The following OPA3 variants were observed in gnomAD, a reference collection of about 807,000 sequenced individuals.
OPA3 encodes outer mitochondrial membrane lipid metabolism regulator OPA3.
In OPA3, 6 loss-of-function variants were observed where a neutral mutation model predicts 4.0. The ratio of observed to expected loss-of-function variants is 1.51; its 90% CI spans 0.83 to 2.99. The LOEUF is 2.99. OPA3 is among the 30% of genes most tolerant of loss of function. The pLI is 0.00. For synonymous variants in OPA3, 105 were observed against 117.1 expected (o/e 0.90, Z 0.67); for missense variants, 235 against 256.2 (o/e 0.92, Z 0.56).
chr19:45,542,102 A>AC (rs1390184512), downstream of OPA3, among the ~76,000 whole-genome samples: 1 of 152,124 alleles, frequency 6.6e-6, no homozygotes, highest in East Asian at 1.9e-4. Flanking sequence ...TGGTCAGGGC[A>AC]CCGAGTTCTA....
Position 45,553,079 on chromosome 19 carries a change from A to G in OPA3, c.*435T>C, listed in dbSNP as rs1969360350. 1.8e-6 allele frequency: 2 copies of G among 1,091,090 alleles called. No individual in the cohort carries two copies. Among genetic ancestry groups the G allele is most frequent in the Non-Finnish European group, 2.2e-6 (2 of 892,876 alleles). The allele number at this position is 1,091,090 out of a possible 1,614,324, so 67.6% of individuals were successfully genotyped here. ...ACTGCAACACACTGCATTTCCTTAC[A>G]GTGGTCTGTGCCGATTGACAAAAAG... On this transcript the variant is annotated 3_prime_UTR_variant, in exon 2 of 2. Transcript: ENST00000263275.
chr19:45,584,620 C>A lies in OPA3; in HGVS notation c.142+3G>T. On this transcript the variant is annotated splice_donor_region_variant and intron_variant, in intron 1 of 1. Coordinates refer to ENST00000263275, the MANE Select transcript of OPA3 (RefSeq NM_025136.4). ...GGTTGGAGGGAATTCGGGTCAGACT[C>A]ACGTTGAGCCGGCGGGAGGCAGATA... The A allele has an allele frequency of 6.2e-7, 1 of 1,614,202 alleles. No individual in the cohort carries two copies. Among genetic ancestry groups the A allele is most frequent in the Non-Finnish European group, 8.5e-7 (1 of 1,180,032 alleles).
chr19:45,561,012 T>A (rs1394735565), intron 1 of OPA3, among the ~76,000 whole-genome samples: 1 of 152,152 alleles, frequency 6.6e-6, no homozygotes, highest in African/African-American at 2.4e-5. Context: ...CCCTCCGTGG[T>A]GGGGGACCGG....
Position 45,559,099 on chromosome 19 carries a change from G to C in OPA3, c.143-5188C>G, listed in dbSNP as rs185007137. ...GGATTTCACCATGTTGGCCAGGCTG[G>C]TCTCAAACTCCTGACCTCAAGTGAT... is the stretch of plus-strand genomic sequence containing the variant. On this transcript the variant is annotated intron_variant, in intron 1 of 1. Transcript: ENST00000263275. Among the ~76,000 whole-genome samples, 624 of 152,232 alleles carry C rather than the reference G, an allele frequency of 4.1e-3. 21 individuals carry two copies. The highest frequency in any genetic ancestry group is 0.038 in the Admixed American group (575 of 15,276).
chr19:45,572,756 T>G (rs1409560588), intron 1 of OPA3, among the ~76,000 whole-genome samples: 7 of 132,740 alleles, frequency 5.3e-5, no homozygotes, highest in Non-Finnish European at 9.2e-5. Flanking sequence ...GATATATATC[T>G]CGATATATAT....
chr19:45,579,719 A>G lies in OPA3; in HGVS notation c.142+4904T>C, dbSNP rs145351461. Among the ~76,000 whole-genome samples, 414 of 152,178 alleles carry G rather than the reference A, an allele frequency of 2.7e-3. 1 individual carries two copies. Among genetic ancestry groups the G allele is most frequent in the African/African-American group, 9.7e-3 (401 of 41,524 alleles). On this transcript the variant is annotated intron_variant, in intron 1 of 1. Transcript: ENST00000263275. ...CACAATAAATATTATTTACAGCATA[A>G]TGCATACATAGTATATACACAAAAT... is the stretch of plus-strand genomic sequence containing the variant.
intron 1 of OPA3, among the ~76,000 whole-genome samples, chr19:45,571,259 T>A (rs186146189): frequency 2.0e-5 from 3 of 152,280 alleles, no homozygotes; most frequent in Admixed American, 2.0e-4. Flanking sequence ...TACTCTTGCC[T>A]CAGTCTCCCA....
In OPA3 at chr19:45,547,908, GC is replaced by G. The variant is rs926709050; in HGVS notation, c.*5605del. The G allele has an allele frequency of 3.2e-5, 5 of 155,274 alleles. No homozygotes were observed. In the Admixed American group the frequency reaches 3.3e-4, roughly 10 times the overall value. The allele number at this position is 155,274 out of a possible 1,614,324, so 9.6% of individuals were successfully genotyped here. ...GATGGGGTTTCTCCATGTCGGTCAG[GC>G]TGGTCTCGAACTCCCGACCTCAGGG... On this transcript the variant is annotated 3_prime_UTR_variant, in exon 2 of 2. Transcript: ENST00000263275.
intron 1 of OPA3, among the ~76,000 whole-genome samples, chr19:45,572,217 C>T (rs561774822): frequency 8.1e-5 from 11 of 135,784 alleles, no homozygotes; most frequent in Admixed American, 3.8e-4. Context: ...ATATATCTCT[C>T]ATATATATCG....
At chr19:45,584,593 A>G (rs770554253) in intron 1 of OPA3, 30 bp downstream of exon 1, 10 of 1,613,978 alleles carry the variant, frequency 6.2e-6, no homozygotes, top group Non-Finnish European at 8.5e-6. Context: ...AGAAAGGAAA[A>G]AGGTTGGAGG....
chr19:45,579,393 G>A (rs368673489), intron 1 of OPA3, among the ~76,000 whole-genome samples: 1 of 152,110 alleles, frequency 6.6e-6, no homozygotes, highest in East Asian at 1.9e-4. Flanking sequence ...GCTAATTTTT[G>A]TATTTTTAGT....
chr19:45,567,900 A>G (rs1003246599), intron 1 of OPA3, among the ~76,000 whole-genome samples: 10 of 152,326 alleles, frequency 6.6e-5, no homozygotes, highest in South Asian at 6.2e-4. Flanking sequence ...TTATCAGTCA[A>G]TAAATTATTA....
At chr19:45,557,262 G>C (rs1243441067) in intron 1 of OPA3, among the ~76,000 whole-genome samples, 1 of 152,162 alleles carries the variant, frequency 6.6e-6, no homozygotes, top group African/African-American at 2.4e-5. Flanking sequence ...GGGTGTGTGT[G>C]TGTGTGCACG....
At chr19:45,537,406 A>AC (rs1969131229) in intron 1 of OPA3, among the ~76,000 whole-genome samples, 1 of 144,508 alleles carries the variant, frequency 6.9e-6, no homozygotes, top group African/African-American at 2.6e-5. Flanking sequence ...CAAAAAAAAA[A>AC]AAAAAAAAAA....
chr19:45,545,224 C>G (rs1969235835), downstream of OPA3, among the ~76,000 whole-genome samples: 1 of 149,730 alleles, frequency 6.7e-6, no homozygotes, highest in Non-Finnish European at 1.5e-5. Flanking sequence ...GGATAGGCCT[C>G]TACTTCAAAA....
Position 45,584,638 on chromosome 19 carries a change from G to A in OPA3, c.127C>T (p.Leu43Phe). Residue 43 changes from leucine to phenylalanine, a missense_variant, in exon 1 of 2, where the codon CTC becomes TTC. Transcript: ENST00000263275. ...TCAGACTCACGTTGAGCCGGCGGGA[G>A]GCAGATATAGGTCTTGAAGAACTCG... is the stretch of plus-strand genomic sequence containing the variant. ...RSEFFKTYICLPPAQLYHWVE... is the reference protein window; with the variant it reads ...RSEFFKTYICFPPAQLYHWVE... 1 of 1,614,224 alleles carries A rather than the reference G, an allele frequency of 6.2e-7. No homozygotes were observed. The highest frequency in any genetic ancestry group is 8.5e-7 in the Non-Finnish European group (1 of 1,180,040).
At chr19:45,529,219 C>A (rs745514950) in exon 2 of OPA3, 2 of 1,612,250 alleles carry the variant, frequency 1.2e-6, no homozygotes, top group African/African-American at 2.7e-5. Context: ...CCCCAAGTGG[C>A]CCACCTCGCC....
At chr19:45,533,355 C>T (rs1357620704) in intron 1 of OPA3, among the ~76,000 whole-genome samples, 1 of 151,978 alleles carries the variant, frequency 6.6e-6, no homozygotes, top group East Asian at 1.9e-4. Context: ...CCACTATGCC[C>T]GGCTAATATT....
At chr19:45,560,466 G>A (rs1047797050) in intron 1 of OPA3, among the ~76,000 whole-genome samples, 2 of 152,076 alleles carry the variant, frequency 1.3e-5, no homozygotes, top group African/African-American at 4.8e-5. Context: ...GGTGACCATG[G>A]ACAATGGGTA....
Sources: gnomAD v4.1 joint callset for allele counts (sites outside exome capture counted in the v4.1 genomes callset) on GRCh38, gnomAD v4.1.1 for gene constraint, MANE v1.5 for transcripts, NCBI Gene and HGNC (gene_info 2026-07-23, HGNC 2026-07-21) for gene names.